Variants in NAALAD2 observed in about 807,000 individuals in gnomAD.
NAALAD2 encodes N-acetylated alpha-linked acidic dipeptidase 2.
A neutral mutation model predicts 95.6 loss-of-function variants in NAALAD2; 89 were observed. The observed-to-expected ratio is 0.93, with a 90% CI of 0.78 to 1.11. The LOEUF (loss-of-function observed/expected upper bound fraction) is 1.11, where lower values mean the gene tolerates loss of function less well. NAALAD2 is among the 50% of genes least tolerant of loss of function. NAALAD2 has a pLI of 0.00. For synonymous variants in NAALAD2, 264 were observed against 294.4 expected, an observed-to-expected ratio of 0.90 and a Z score of 1.06; for missense variants, 894 against 872.4, an observed-to-expected ratio of 1.02 and a Z score of -0.31.
At chr11:90,135,724 G>A (rs1369684485) in intron 2 of NAALAD2, 54 bp downstream of exon 2, 4 of 1,441,362 alleles carry the variant, frequency 2.8e-6, no homozygotes, top group Non-Finnish European at 2.9e-6. Context: ...ATATCACAGT[G>A]AGAAGCATAT....
chr11:90,145,455 G>A (rs1203654692), intron 2 of NAALAD2, among the ~76,000 whole-genome samples: 5 of 152,050 alleles, frequency 3.3e-5, no homozygotes, highest in Admixed American at 1.3e-4. Flanking sequence ...GCTCTATGTA[G>A]AAACAAAAAT....
chr11:90,170,703 G>A (rs919936897), intron 13 of NAALAD2, among the ~76,000 whole-genome samples: 2 of 152,198 alleles, frequency 1.3e-5, no homozygotes, highest in African/African-American at 4.8e-5. Flanking sequence ...GCTGGGGGAA[G>A]TTGAGGAGCA....
At chr11:90,189,695 G>A (rs1025702726) in intron 18 of NAALAD2, among the ~76,000 whole-genome samples, 1 of 152,016 alleles carries the variant, frequency 6.6e-6, no homozygotes, top group African/African-American at 2.4e-5. Flanking sequence ...CTTGAGCCCA[G>A]GAGGTGGAGG....
chr11:90,149,309 A>G (rs1951828550), intron 4 of NAALAD2, among the ~76,000 whole-genome samples: 1 of 152,360 alleles, frequency 6.6e-6, no homozygotes, highest in Admixed American at 6.5e-5. Context: ...GAGAAAAAAG[A>G]AACAAAACAA....
intron 6 of NAALAD2, among the ~76,000 whole-genome samples, chr11:90,154,478 A>G (rs142993862): frequency 1.3e-5 from 2 of 151,980 alleles, no homozygotes; most frequent in East Asian, 3.9e-4. Flanking sequence ...CCTAAAATAA[A>G]TCCCATTTGG....
Position 90,150,426 on chromosome 11 carries a change from TG to T in NAALAD2, c.484-55del. On this transcript the variant is annotated intron_variant, in intron 4 of 18. Coordinates refer to ENST00000534061, the MANE Select transcript of NAALAD2 (RefSeq NM_005467.4). Reference sequence around the variant, plus strand: ...AGTATTGTGAAGCAAACTTATTTTTTGTTTTTTTTTTTCTTTAATTTTAGCA... The same window carrying T: ...AGTATTGTGAAGCAAACTTATTTTTTTTTTTTTTTTTCTTTAATTTTAGCA... The T allele has an allele frequency of 9.3e-6, 11 of 1,177,328 alleles. No individual in the cohort carries two copies. In the South Asian group the frequency reaches 1.4e-4, roughly 14 times the overall value. The allele number at this position is 1,177,328 out of a possible 1,614,324, so 72.9% of individuals were successfully genotyped here. A position where few individuals can be genotyped will look rare whatever the true frequency, so the allele number is the denominator to read the frequency against.
intron 15 of NAALAD2, among the ~76,000 whole-genome samples, chr11:90,177,070 C>G (rs577309520): frequency 6.6e-6 from 1 of 151,978 alleles, no homozygotes; most frequent in Non-Finnish European, 1.5e-5. Flanking sequence ...TTTAGTGATA[C>G]TAACAGCAGT....
At chr11:90,155,290 ATATGTATATATAATG>A in intron 6 of NAALAD2, among the ~76,000 whole-genome samples, 1 of 122,948 alleles carries the variant, frequency 8.1e-6, no homozygotes, top group South Asian at 2.4e-4. Context: ...ATATATGCAT[ATATGTATATATAATG>A]TATATATTAT....
intron 18 of NAALAD2, among the ~76,000 whole-genome samples, chr11:90,183,993 C>G (rs959226188): frequency 3.9e-5 from 6 of 152,106 alleles, no homozygotes; most frequent in Non-Finnish European, 8.8e-5. Context: ...TCCATTTTCT[C>G]AAGGTCCTTC....
Position 90,138,725 on chromosome 11 carries a change from C to CTT in NAALAD2, c.194+3088_194+3089dup, listed in dbSNP as rs562496549. On this transcript the variant is annotated intron_variant, in intron 2 of 18. Coordinates refer to ENST00000534061, the MANE Select transcript of NAALAD2 (RefSeq NM_005467.4). ...TATCATGAAACCCTTCATCCCTCAA[C>CTT]TTTTTTTTTTTTTTTTTTTTTTTTT... is the stretch of plus-strand genomic sequence containing the variant. Among the ~76,000 whole-genome samples, 101 of 61,514 alleles carry CTT rather than the reference C, an allele frequency of 1.6e-3. 10 individuals are homozygous for CTT. Among genetic ancestry groups the CTT allele is most frequent in the African/African-American group, 2.2e-3 (39 of 17,778 alleles). 40.4% of individuals were successfully genotyped at this position (61,514 alleles called of 152,430 possible).
intron 2 of NAALAD2, among the ~76,000 whole-genome samples, chr11:90,145,195 G>A (rs1270535826): frequency 6.6e-6 from 1 of 152,144 alleles, no homozygotes; most frequent in Non-Finnish European, 1.5e-5. Flanking sequence ...AGTTGTTCTA[G>A]TTTGTACTTG....
At position 90,162,953 on chromosome 11, in the gene NAALAD2, G is replaced by T; in HGVS notation, c.994G>T (p.Val332Phe). ...TTATTCCTTTTAAAATTCTAGGAAG[G>T]TTAGAATGCATGTTTATAACATCAA... ...GFTGSDSFRK[V>F]RMHVYNINKI... Residue 332 changes from valine (V) to phenylalanine (F), a missense_variant, in exon 9 of 19, where the codon GTT (valine) becomes TTT (phenylalanine). Transcript: ENST00000534061. 1 of 1,497,478 alleles carries T rather than the reference G, an allele frequency of 6.7e-7. No homozygotes were observed. Among genetic ancestry groups the T allele is most frequent in the Non-Finnish European group, 9.2e-7 (1 of 1,089,324 alleles). 92.8% of individuals were successfully genotyped at this position (1,497,478 alleles called of 1,614,324 possible). A position where few individuals can be genotyped will look rare whatever the true frequency, so the allele number is the denominator to read the frequency against.
intron 16 of NAALAD2, among the ~76,000 whole-genome samples, chr11:90,180,750 C>G (rs944500582): frequency 6.6e-6 from 1 of 151,860 alleles, no homozygotes; most frequent in East Asian, 1.9e-4. Flanking sequence ...AGTCACCTCT[C>G]TATATTGGTG....
At chr11:90,154,030 CCTCTCT>C (rs57531442) in intron 6 of NAALAD2, among the ~76,000 whole-genome samples, 6,273 of 149,118 alleles carry the variant, frequency 0.042, 422 homozygotes, top group African/African-American at 0.14. Flanking sequence ...GCCCTTCCTT[CCTCTCT>C]CTCTCTCTCT....
intron 11 of NAALAD2, among the ~76,000 whole-genome samples, chr11:90,167,908 G>A (rs967562022): frequency 5.9e-5 from 9 of 152,170 alleles, no homozygotes; most frequent in Admixed American, 5.9e-4. Context: ...CCAGTCAGCA[G>A]GATGTGGGTG....
rs1262904379 is a variant in NAALAD2, at chr11:90,134,834, A to T, written c.76A>T (p.Met26Leu). Residue 26 changes from methionine (M) to leucine (L), a missense_variant, in exon 1 of 19, where the codon ATG becomes TTG. Physicochemically the swap from Met to Leu is conservative, Grantham distance 15 (BLOSUM62 2). Coordinates refer to ENST00000534061, the MANE Select transcript of NAALAD2 (RefSeq NM_005467.4). ...GCTGGCATCTTTCCTGATGGGATTT[A>T]TGGTGGGTAAGTGAACAAAACACTC... ...AALASFLMGFMVGWFIKPLKE... is the reference protein window; with the variant it reads ...AALASFLMGFLVGWFIKPLKE... 3 of 1,614,078 alleles carry T rather than the reference A, an allele frequency of 1.9e-6. No homozygotes were observed. Among genetic ancestry groups the T allele is most frequent in the Non-Finnish European group, 2.5e-6 (3 of 1,179,986 alleles).
rs1591005419 is a variant in NAALAD2, at chr11:90,169,184, G to A, written c.1342+192G>A. ...ATTTTGCCACAGAGAAAATAATTAG[G>A]ATTCATATGAATTGATATGATTCAT... On this transcript the variant is annotated intron_variant, in intron 12 of 18. Coordinates refer to ENST00000534061, the MANE Select transcript of NAALAD2 (RefSeq NM_005467.4). The A allele has an allele frequency of 1.3e-5, 6 of 469,634 alleles. No homozygotes were observed. The East Asian group carries it at 2.2e-4, about 17-fold the overall frequency. The allele number at this position is 469,634 out of a possible 1,614,324, so 29.1% of individuals were successfully genotyped here. A position where few individuals can be genotyped will look rare whatever the true frequency, so the allele number is the denominator to read the frequency against.
At chr11:90,167,168 T>C (rs1374402803) in intron 11 of NAALAD2, among the ~76,000 whole-genome samples, 1 of 152,086 alleles carries the variant, frequency 6.6e-6, no homozygotes, top group Admixed American at 6.5e-5. Flanking sequence ...GCCGGCTCCC[T>C]CAGCTTGCTG....
rs958428840 is a variant in NAALAD2, at chr11:90,189,078, T to C, written c.2034-2480T>C. ...GCAGTCACAAGGGTCCTTAAAAGTC[T>C]TCCTGTAAGAGGCAGGCAGGAGAGA... is the stretch of plus-strand genomic sequence containing the variant. On this transcript the variant is annotated intron_variant, in intron 18 of 18. Coordinates refer to ENST00000534061, the MANE Select transcript of NAALAD2 (RefSeq NM_005467.4). Among the ~76,000 whole-genome samples, 4 of 152,216 alleles carry C rather than the reference T, an allele frequency of 2.6e-5. No individual in the cohort carries two copies. The East Asian group carries it at 7.7e-4, about 29-fold the overall frequency.
Sources: gnomAD v4.1 joint callset for allele counts (sites outside exome capture counted in the v4.1 genomes callset) on GRCh38, gnomAD v4.1.1 for gene constraint, MANE v1.5 for transcripts, NCBI Gene and HGNC (gene_info 2026-07-23, HGNC 2026-07-21) for gene names.